Variants in CADM2 observed in about 807,000 individuals in gnomAD.
CADM2 encodes immunoglobulin superfamily member 4D.
In CADM2, 12 loss-of-function variants were observed where a neutral mutation model predicts 49.8. The observed-to-expected ratio is 0.24, with a 90% CI of 0.15 to 0.39. The LOEUF (loss-of-function observed/expected upper bound fraction) is 0.39, where lower values mean the gene tolerates loss of function less well. Among genes scored for constraint, CADM2 ranks in the 10% least tolerant of loss-of-function variants. The pLI, the probability that CADM2 is intolerant of heterozygous loss-of-function variation, is 1.00. For missense variants in CADM2, 378 were observed against 492.3 expected (o/e 0.77, Z 2.20); for synonymous variants, 214 against 175.4 (o/e 1.22, Z -1.74).
intron 1 of CADM2, among the ~76,000 whole-genome samples, chr3:85,144,575 G>C (rs1446633148): frequency 2.0e-5 from 3 of 148,300 alleles, no homozygotes; most frequent in Non-Finnish European, 4.4e-5. Context: ...TCGCACCACT[G>C]CACTCCTGCC....
intron 1 of CADM2, among the ~76,000 whole-genome samples, chr3:85,347,047 A>G (rs1403214270): frequency 6.6e-6 from 1 of 151,980 alleles, no homozygotes; most frequent in East Asian, 1.9e-4. Flanking sequence ...ACATGGCGAA[A>G]TCCCGTCTCT....
chr3:85,314,523 A>T (rs972251053), intron 1 of CADM2, among the ~76,000 whole-genome samples: 9 of 152,162 alleles, frequency 5.9e-5, no homozygotes, highest in African/African-American at 2.2e-4. Context: ...TACCTAGCCC[A>T]CTTAAATCTC....
intron 1 of CADM2, among the ~76,000 whole-genome samples, chr3:84,990,137 T>C (rs892553374): frequency 6.6e-6 from 1 of 151,752 alleles, no homozygotes; most frequent in Non-Finnish European, 1.5e-5. Flanking sequence ...TTCAAGAATA[T>C]AATTCTATCC....
chr3:85,613,452 T>A (rs2063727233), intron 1 of CADM2, among the ~76,000 whole-genome samples: 1 of 151,604 alleles, frequency 6.6e-6, no homozygotes, highest in Non-Finnish European at 1.5e-5. Context: ...AACATAGCAC[T>A]TTTCAAAACC....
intron 1 of CADM2, among the ~76,000 whole-genome samples, chr3:85,283,042 A>T (rs2043543427): frequency 6.6e-6 from 1 of 152,084 alleles, no homozygotes; most frequent in Admixed American, 6.6e-5. Context: ...GTATAAATAA[A>T]AAAGTCAAAA....
intron 1 of CADM2, among the ~76,000 whole-genome samples, chr3:85,530,229 T>C (rs975212797): frequency 6.6e-6 from 1 of 151,810 alleles, no homozygotes; most frequent in Non-Finnish European, 1.5e-5. Context: ...ATAAGACATG[T>C]CTCTTCCTCT....
chr3:85,715,957 A>C (rs2067277075), intron 1 of CADM2, among the ~76,000 whole-genome samples: 1 of 152,240 alleles, frequency 6.6e-6, no homozygotes, highest in Non-Finnish European at 1.5e-5. Flanking sequence ...ATAGTGCTGC[A>C]ATACACATGT....
At chr3:85,453,546 G>C (rs996539621) in intron 1 of CADM2, among the ~76,000 whole-genome samples, 1 of 151,754 alleles carries the variant, frequency 6.6e-6, no homozygotes, top group Non-Finnish European at 1.5e-5. Context: ...CAATTTTCTG[G>C]ATTTCTGGAG....
rs541476737 is a variant in CADM2, at chr3:86,002,032, A to G, written c.970+40385A>G. ...TGGGAACAGATGAGTGGATGACAGCATGAGCCACCAAGGAGAGGATGAATA... is the reference window on the plus strand; with the variant it reads ...TGGGAACAGATGAGTGGATGACAGCGTGAGCCACCAAGGAGAGGATGAATA... On this transcript the variant is annotated intron_variant, in intron 8 of 9. Transcript: ENST00000383699. Among the ~76,000 whole-genome samples the G allele has an allele frequency of 6.6e-5, 10 of 152,224 alleles. 1 individual carries two copies. The highest frequency in any genetic ancestry group is 2.2e-4 in the African/African-American group (9 of 41,558).
intron 1 of CADM2, among the ~76,000 whole-genome samples, chr3:85,574,454 C>T (rs1409890335): frequency 6.6e-6 from 1 of 152,166 alleles, no homozygotes; most frequent in Non-Finnish European, 1.5e-5. Flanking sequence ...TGTCAGTCCA[C>T]TACAGTGTTC....
rs995203029 is a variant in CADM2 at position 85,870,072 on chromosome 3, A to G, written c.239-13219A>G. On this transcript the variant is annotated intron_variant, in intron 3 of 9. Transcript: ENST00000383699. ...ACTTTTATACTGTTAACTTCTTACTATAACATAAGATCTCCTGGGCTCATT... is the reference window on the plus strand; with the variant it reads ...ACTTTTATACTGTTAACTTCTTACTGTAACATAAGATCTCCTGGGCTCATT... Among the ~76,000 whole-genome samples, 3 of 152,172 alleles carry G rather than the reference A, an allele frequency of 2.0e-5. No homozygotes were observed. The South Asian group carries it at 6.2e-4, about 32-fold the overall frequency.
At chr3:85,341,549 T>G (rs1220975871) in intron 1 of CADM2, among the ~76,000 whole-genome samples, 2 of 152,012 alleles carry the variant, frequency 1.3e-5, no homozygotes, top group Non-Finnish European at 2.9e-5. Flanking sequence ...ATAGATCATA[T>G]ACATAATATC....
At chr3:85,621,909 A>C (rs1174145150) in intron 1 of CADM2, among the ~76,000 whole-genome samples, 1 of 152,214 alleles carries the variant, frequency 6.6e-6, no homozygotes, top group East Asian at 1.9e-4. Context: ...CTACACAACA[A>C]GAGCATAAAA....
rs148313097 is a variant in CADM2, at chr3:85,566,790, T to C, written c.62-159732T>C. On this transcript the variant is annotated intron_variant, in intron 1 of 9. Transcript: ENST00000383699. ...CATTTGATAATCAAGTGAATTGCAA[T>C]TGAAGATCGCAAGGATGCTATTGAA... 6.6e-5 allele frequency among the ~76,000 whole-genome samples: 10 copies of C among 152,304 alleles called. No individual in the cohort carries two copies. In the East Asian group the frequency reaches 1.7e-3, roughly 26 times the overall value.
intron 6 of CADM2, among the ~76,000 whole-genome samples, chr3:85,925,819 G>GAT (rs1719754581): frequency 6.6e-6 from 1 of 152,050 alleles, no homozygotes; most frequent in Non-Finnish European, 1.5e-5. Flanking sequence ...AAAGAAGACA[G>GAT]AGATAGATAG....
chr3:85,466,621 AT>A (rs1376726171), intron 1 of CADM2, among the ~76,000 whole-genome samples: 1 of 152,208 alleles, frequency 6.6e-6, no homozygotes. Flanking sequence ...GCTATATGAA[AT>A]CATGTCAGAT....
intron 1 of CADM2, among the ~76,000 whole-genome samples, chr3:85,327,004 G>T (rs1559781098): frequency 1.3e-5 from 2 of 151,186 alleles, no homozygotes; most frequent in Admixed American, 6.6e-5. Flanking sequence ...CTACCATTTT[G>T]TTTGTAATTT....
intron 1 of CADM2, among the ~76,000 whole-genome samples, chr3:85,685,165 C>T (rs1021274420): frequency 6.6e-6 from 1 of 152,074 alleles, no homozygotes; most frequent in African/African-American, 2.4e-5. Context: ...AGCCACACCC[C>T]AGAACTACTG....
At chr3:85,153,238 C>T (rs1025479208) in intron 1 of CADM2, among the ~76,000 whole-genome samples, 6 of 152,168 alleles carry the variant, frequency 3.9e-5, no homozygotes, top group Admixed American at 1.3e-4. Flanking sequence ...GCACCCTGCG[C>T]GAGCCGAAGC....
Sources: allele counts gnomAD v4.1 joint callset (sites outside exome capture counted in the v4.1 genomes callset), GRCh38; gene constraint gnomAD v4.1.1; transcripts MANE v1.5; gene names NCBI Gene and HGNC (gene_info 2026-07-23, HGNC 2026-07-21).